RBFOX1: variants seen among roughly 807,000 people sequenced by gnomAD.
The protein encoded by RBFOX1 is RNA binding protein fox-1 homolog 1.
RBFOX1 carries 8 observed loss-of-function variants against 57.7 expected under a neutral mutation model. The ratio of observed to expected loss-of-function variants is 0.14; its 90% CI spans 0.08 to 0.25. The LOEUF is 0.25. RBFOX1 is among the 10% of genes least tolerant of loss of function. The pLI, the probability that RBFOX1 is intolerant of heterozygous loss-of-function variation, is 1.00. For missense variants in RBFOX1, 611 were observed against 548.5 expected (o/e 1.11, Z -1.14); for synonymous variants, 326 against 222.4 (o/e 1.47, Z -4.15).
intron 3 of RBFOX1, among the ~76,000 whole-genome samples, chr16:6,933,748 G>A (rs887055419): frequency 2.0e-5 from 3 of 152,186 alleles, no homozygotes; most frequent in African/African-American, 7.2e-5. Flanking sequence ...GAATTTAAAA[G>A]GGAGTGGGGA....
intron 2 of RBFOX1, among the ~76,000 whole-genome samples, chr16:5,559,946 A>T (rs906275103): frequency 4.6e-5 from 7 of 152,070 alleles, no homozygotes; most frequent in African/African-American, 1.7e-4. Flanking sequence ...TCTTAACAGG[A>T]TCTGTTTTTA....
intron 1 of RBFOX1, among the ~76,000 whole-genome samples, chr16:5,372,260 A>T (rs780684672): frequency 6.6e-6 from 1 of 152,210 alleles, no homozygotes; most frequent in South Asian, 2.1e-4. Flanking sequence ...AACAAATTGC[A>T]GAACCTGATC....
At chr16:7,052,491 C>G (rs1240177129) in intron 4 of RBFOX1, among the ~76,000 whole-genome samples, 1 of 152,152 alleles carries the variant, frequency 6.6e-6, no homozygotes, top group Non-Finnish European at 1.5e-5. Context: ...TGGCTGTTGA[C>G]TGGGGTGGGT....
At chr16:5,337,861 C>G (rs1223319786) in intron 1 of RBFOX1, among the ~76,000 whole-genome samples, 1 of 151,942 alleles carries the variant, frequency 6.6e-6, no homozygotes, top group African/African-American at 2.4e-5. Context: ...CTGGGTAACA[C>G]AGTAAGGCCC....
At chr16:6,554,556 C>CTGGTT (rs1177759548) in intron 2 of RBFOX1, among the ~76,000 whole-genome samples, 1 of 152,164 alleles carries the variant, frequency 6.6e-6, no homozygotes, top group East Asian at 1.9e-4. Flanking sequence ...CTCAATAAAA[C>CTGGTT]TGGTTTTCTA....
intron 2 of RBFOX1, among the ~76,000 whole-genome samples, chr16:5,597,249 C>A (rs2047212183): frequency 7.2e-6 from 1 of 138,660 alleles, no homozygotes. Flanking sequence ...CCCCCTCCCG[C>A]TTTCTCTGCA....
At chr16:5,658,729 C>A (rs1052284103) in intron 3 of RBFOX1, among the ~76,000 whole-genome samples, 1 of 107,990 alleles carries the variant, frequency 9.3e-6, no homozygotes, top group Admixed American at 1.1e-4. Context: ...TACATACATA[C>A]ATATATATAA....
rs140133344 is a variant in RBFOX1, at chr16:7,466,371, G to A, written c.28-51776G>A. Among the ~76,000 whole-genome samples the A allele has an allele frequency of 8.3e-4, 126 of 152,258 alleles. 1 individual carries two copies. Among genetic ancestry groups the A allele is most frequent in the South Asian group, 2.1e-3 (10 of 4,826 alleles). On this transcript the variant is annotated intron_variant, in intron 4 of 15. Transcript: ENST00000550418. ...TCATGCCAAGCTAGCGCTTCTAACT[G>A]CATTATCTCATTAAATTCATACCAC... is the stretch of plus-strand genomic sequence containing the variant.
At chr16:7,000,417 C>T (rs189439329) in intron 3 of RBFOX1, among the ~76,000 whole-genome samples, 7 of 152,078 alleles carry the variant, frequency 4.6e-5, no homozygotes, top group South Asian at 2.1e-4. Flanking sequence ...TTGAGGTCAC[C>T]GGGTCATTTT....
intron 1 of RBFOX1, among the ~76,000 whole-genome samples, chr16:5,466,279 C>T (rs61165030): frequency 6.6e-6 from 1 of 152,186 alleles, no homozygotes; most frequent in Non-Finnish European, 1.5e-5. Context: ...GGGCCCTTGC[C>T]ATTTTGACTA....
At chr16:7,491,229 T>C (rs567101872) in intron 4 of RBFOX1, among the ~76,000 whole-genome samples, 265 of 152,188 alleles carry the variant, frequency 1.7e-3, no homozygotes, top group African/African-American at 6.1e-3. Flanking sequence ...CATCCCTTTT[T>C]CTTGGGGTTT....
chr16:7,158,994 C>T (rs1375540473), intron 4 of RBFOX1, among the ~76,000 whole-genome samples: 2 of 152,136 alleles, frequency 1.3e-5, no homozygotes, highest in East Asian at 3.9e-4. Flanking sequence ...CACAAGGATC[C>T]CTCAGATTCC....
chr16:5,415,549 C>T (rs1447885874), intron 1 of RBFOX1, among the ~76,000 whole-genome samples: 3 of 152,186 alleles, frequency 2.0e-5, no homozygotes, highest in Non-Finnish European at 4.4e-5. Context: ...TGTACATCTT[C>T]AACAGAAAAC....
chr16:5,666,286 C>T (rs542619006), intron 3 of RBFOX1, among the ~76,000 whole-genome samples: 9 of 152,230 alleles, frequency 5.9e-5, no homozygotes, highest in Non-Finnish European at 1.3e-4. Context: ...TATCCCATTT[C>T]TGTGACCTTC....
At chr16:5,435,482 A>T (rs987898794) in intron 1 of RBFOX1, among the ~76,000 whole-genome samples, 7 of 152,162 alleles carry the variant, frequency 4.6e-5, no homozygotes, top group Non-Finnish European at 1.0e-4. Context: ...AAAACAGCCC[A>T]CTACGATCCC....
At chr16:6,366,967 C>A (rs562279816) in intron 2 of RBFOX1, among the ~76,000 whole-genome samples, 2 of 152,288 alleles carry the variant, frequency 1.3e-5, no homozygotes, top group South Asian at 4.1e-4. Context: ...TGAAAGTGCA[C>A]ATGACAATTT....
chr16:7,286,491 C>G (rs759474442), intron 4 of RBFOX1, among the ~76,000 whole-genome samples: 1 of 147,936 alleles, frequency 6.8e-6, no homozygotes, highest in Non-Finnish European at 1.5e-5. Context: ...GCTCTGTCAC[C>G]TAGGCTGGAG....
chr16:5,970,017 C>G (rs1370918278), intron 4 of RBFOX1, among the ~76,000 whole-genome samples: 3 of 152,082 alleles, frequency 2.0e-5, no homozygotes, highest in African/African-American at 7.2e-5. Flanking sequence ...GGGAAATACT[C>G]TTCCTAGTTC....
chr16:5,590,802 G>A (rs1417774206), intron 2 of RBFOX1, among the ~76,000 whole-genome samples: 2 of 152,152 alleles, frequency 1.3e-5, no homozygotes, highest in Non-Finnish European at 2.9e-5. Flanking sequence ...ATCTGAGAGT[G>A]CATCTACCTC....
Sources: allele counts gnomAD v4.1 joint callset (sites outside exome capture counted in the v4.1 genomes callset), GRCh38; gene constraint gnomAD v4.1.1; transcripts MANE v1.5; gene names NCBI Gene and HGNC (gene_info 2026-07-23, HGNC 2026-07-21).